The following PLXNA4 variants were observed in gnomAD, a reference collection of about 807,000 sequenced individuals.
The protein encoded by PLXNA4 is plexin-A4.
Under a neutral mutation model 191.8 loss-of-function variants are expected in PLXNA4, and 44 were observed. The ratio of observed to expected loss-of-function variants is 0.23; its 90% CI spans 0.18 to 0.29. The LOEUF (loss-of-function observed/expected upper bound fraction) is 0.29. PLXNA4 is among the 10% of genes least tolerant of loss of function. PLXNA4 has a pLI of 1.00. For synonymous variants in PLXNA4, 1,082 were observed against 1,009.5 expected, an observed-to-expected ratio of 1.07 and a Z score of -1.36; for missense variants, 1,800 against 2,488.8, an observed-to-expected ratio of 0.72 and a Z score of 5.89.
intron 3 of PLXNA4, among the ~76,000 whole-genome samples, chr7:132,351,845 C>G (rs1375335401): frequency 6.6e-6 from 1 of 151,854 alleles, no homozygotes; most frequent in South Asian, 2.1e-4. Context: ...CCACAGAGTT[C>G]CAGAGAAAGA....
At chr7:132,454,402 T>C (rs955089084) in intron 3 of PLXNA4, among the ~76,000 whole-genome samples, 12 of 152,106 alleles carry the variant, frequency 7.9e-5, no homozygotes, top group Non-Finnish European at 1.8e-4. Flanking sequence ...AAAGCTGACT[T>C]ATCACCCTTG....
chr7:132,588,648 A>AGGGAT (rs1439464465), intron 2 of PLXNA4, among the ~76,000 whole-genome samples: 1 of 97,648 alleles, frequency 1.0e-5, no homozygotes, highest in Non-Finnish European at 2.0e-5. Context: ...AGGGAAGGGA[A>AGGGAT]GGGAAGGGAA....
At chr7:132,312,266 C>T (rs59753393) in intron 3 of PLXNA4, among the ~76,000 whole-genome samples, 17,859 of 152,160 alleles carry the variant, frequency 0.12, 1,584 homozygotes, top group East Asian at 0.4. Flanking sequence ...AAACCATTCT[C>T]TCCGTCACTG....
rs76718774 is a variant in PLXNA4, at chr7:132,487,449, G to T, written c.1371+1843C>A. 3.7e-3 allele frequency among the ~76,000 whole-genome samples: 561 copies of T among 152,316 alleles called. 2 individuals carry two copies. The highest frequency in any genetic ancestry group is 0.013 in the African/African-American group (545 of 41,560). The stretch of plus-strand genomic sequence containing the variant: ...GGTCTCAGTGCATGAATTGTACACA[G>T]TAATGCCCCCGGTATTTAGAATTCA... On this transcript the variant is annotated intron_variant, in intron 3 of 31. Coordinates refer to ENST00000321063, the MANE Select transcript of PLXNA4 (RefSeq NM_020911.2).
Position 132,550,146 on chromosome 7 carries a change from T to C in PLXNA4, c.-87+26276A>G, listed in dbSNP as rs565882943. On this transcript the variant is annotated intron_variant, in intron 1 of 31. Coordinates refer to ENST00000321063, the MANE Select transcript of PLXNA4 (RefSeq NM_020911.2). ...GGTTTACCCTGAAGGAAGTGAACGT[T>C]CCCTAGGAAGACAATGAAGGCTGGA... is the stretch of plus-strand genomic sequence containing the variant. 4.8e-4 allele frequency among the ~76,000 whole-genome samples: 73 copies of C among 152,168 alleles called. 1 individual carries two copies. The highest frequency in any genetic ancestry group is 6.8e-3 in the Middle Eastern group (2 of 294).
intron 21 of PLXNA4, among the ~76,000 whole-genome samples, chr7:132,173,855 G>A (rs940303119): frequency 6.6e-6 from 1 of 152,174 alleles, no homozygotes; most frequent in African/African-American, 2.4e-5. Context: ...CTCCCCAGAA[G>A]TCCAGCACAG....
rs1026529688 is a variant in PLXNA4, at chr7:132,359,815, G to A, written c.1372-61593C>T. Among the ~76,000 whole-genome samples, 8 of 152,276 alleles carry A rather than the reference G, an allele frequency of 5.3e-5. No individual in the cohort carries two copies. The South Asian group carries it at 1.7e-3, about 32-fold the overall frequency. ...ATATCTAGAGAGAAAAAAGAAAAAA[G>A]ATATTTGAGAGACTGGATGTAGTTC... is the stretch of plus-strand genomic sequence containing the variant. On this transcript the variant is annotated intron_variant, in intron 3 of 31. Coordinates refer to ENST00000321063, the MANE Select transcript of PLXNA4 (RefSeq NM_020911.2).
At chr7:132,223,413 AG>A (rs1372302704) in intron 9 of PLXNA4, 113 bp downstream of exon 9, 6 of 834,376 alleles carry the variant, frequency 7.2e-6, no homozygotes, top group African/African-American at 6.8e-5. Flanking sequence ...GCCAGGAAGA[AG>A]GGGGTGGTCC....
chr7:132,140,313 G>A (rs536465572), intron 30 of PLXNA4, among the ~76,000 whole-genome samples: 7 of 151,778 alleles, frequency 4.6e-5, no homozygotes, highest in East Asian at 1.9e-4. Flanking sequence ...GCTGGGAGCC[G>A]CATCTCCTTT....
At chr7:132,188,977 AGGAAAGGAAAGGAAAGG>A (rs1269143652) in intron 14 of PLXNA4, among the ~76,000 whole-genome samples, 1 of 54,082 alleles carries the variant, frequency 1.8e-5, no homozygotes, top group African/African-American at 1.1e-4. Context: ...AGGAAAGGAA[AGGAAAGGAAAGGAAAGG>A]AGAGAGAGAG....
In PLXNA4 at chr7:132,356,504, C is replaced by T. The variant is rs549770652; in HGVS notation, c.1372-58282G>A. On this transcript the variant is annotated intron_variant, in intron 3 of 31. Transcript: ENST00000321063. ...TCTCACTCCTGTGCTGAAAAAACAGCGCCACATAAGGGCAAACCCCTGCAA... is the reference window on the plus strand; with the variant it reads ...TCTCACTCCTGTGCTGAAAAAACAGTGCCACATAAGGGCAAACCCCTGCAA... Among the ~76,000 whole-genome samples the T allele has an allele frequency of 9.7e-4, 147 of 152,296 alleles. 3 individuals are homozygous for T. In the South Asian group the frequency reaches 0.028, roughly 29 times the overall value.
At chr7:132,325,579 C>T (rs947103842) in intron 3 of PLXNA4, among the ~76,000 whole-genome samples, 7 of 152,084 alleles carry the variant, frequency 4.6e-5, no homozygotes, top group Non-Finnish European at 8.8e-5. Context: ...GCCATGTGGC[C>T]GATGGAGGCA....
At chr7:132,559,752 T>C (rs1800952613) in intron 1 of PLXNA4, among the ~76,000 whole-genome samples, 1 of 152,214 alleles carries the variant, frequency 6.6e-6, no homozygotes, top group African/African-American at 2.4e-5. Context: ...ACCACTAAAT[T>C]ATAAAGCTCT....
chr7:132,176,072 C>T (rs1796446313), intron 20 of PLXNA4, among the ~76,000 whole-genome samples: 1 of 152,190 alleles, frequency 6.6e-6, no homozygotes, highest in African/African-American at 2.4e-5. Context: ...GCAGGGACCC[C>T]AGTCCTGCCC....
intron 20 of PLXNA4, among the ~76,000 whole-genome samples, chr7:132,176,972 AGTGTGCATGCAT>A (rs2116708867): frequency 6.6e-6 from 1 of 151,088 alleles, no homozygotes; most frequent in South Asian, 2.1e-4. Context: ...TGAGTGTATG[AGTGTGCATGCAT>A]GTGTGCATGT....
intron 25 of PLXNA4, among the ~76,000 whole-genome samples, chr7:132,156,291 AGGGAGAGGAGT>A (rs1795796659): frequency 6.6e-6 from 1 of 152,074 alleles, no homozygotes; most frequent in African/African-American, 2.4e-5. Context: ...GAGGGAGTAG[AGGGAGAGGAGT>A]GGGAGAGCTC....
chr7:132,483,965 C>T (rs1797443588), intron 3 of PLXNA4, among the ~76,000 whole-genome samples: 2 of 151,804 alleles, frequency 1.3e-5, no homozygotes, highest in African/African-American at 4.9e-5. Context: ...GGAGGGACCA[C>T]TTGAGATCCC....
intron 3 of PLXNA4, among the ~76,000 whole-genome samples, chr7:132,436,853 CT>C (rs1294271345): frequency 6.6e-6 from 1 of 152,190 alleles, no homozygotes; most frequent in Non-Finnish European, 1.5e-5. Context: ...CTGTTGGTGG[CT>C]TCACAGCTGC....
chr7:132,336,916 C>T (rs1227849515), intron 3 of PLXNA4, among the ~76,000 whole-genome samples: 1 of 152,258 alleles, frequency 6.6e-6, no homozygotes, highest in Non-Finnish European at 1.5e-5. Flanking sequence ...AACAGCCACT[C>T]TGCTTCTGCG....
Sources: allele counts gnomAD v4.1 joint callset (sites outside exome capture counted in the v4.1 genomes callset), GRCh38; gene constraint gnomAD v4.1.1; transcripts MANE v1.5; gene names NCBI Gene and HGNC (gene_info 2026-07-23, HGNC 2026-07-21).